ALPL: variants seen among roughly 807,000 people sequenced by gnomAD.
ALPL encodes alkaline phosphatase, biomineralization associated.
ALPL carries 42 observed loss-of-function variants against 51.3 expected under a neutral mutation model. The observed-to-expected ratio is 0.82, with a 90% confidence interval of 0.64 to 1.06. The LOEUF (loss-of-function observed/expected upper bound fraction) is 1.06, where lower values mean the gene tolerates loss of function less well. Among genes scored for constraint, ALPL ranks in the 50% least tolerant of loss-of-function variants. The probability of loss-of-function intolerance (pLI) is 0.00; values close to 1 mark genes in which losing one functional copy is unlikely to be tolerated. For synonymous variants in ALPL, 279 were observed against 296.4 expected, an observed-to-expected ratio of 0.94 and a Z score of 0.60; for missense variants, 589 against 709.4, an observed-to-expected ratio of 0.83 and a Z score of 1.93.
chr1:21,515,578 A>G (rs6685304), intron 1 of ALPL, among the ~76,000 whole-genome samples: 15 of 152,020 alleles, frequency 9.9e-5, no homozygotes, highest in Non-Finnish European at 5.9e-5. Flanking sequence ...TAGTAGAGAC[A>G]TGGTTTTGCC....
intron 1 of ALPL, among the ~76,000 whole-genome samples, chr1:21,546,776 C>T (rs1644258728): frequency 6.6e-6 from 1 of 152,238 alleles, no homozygotes; most frequent in Non-Finnish European, 1.5e-5. Context: ...CTCTGTTTCT[C>T]TGCAAATGGG....
rs552114197 is a variant in ALPL, at chr1:21,569,137, G to C, written c.792+890G>C. 2.0e-5 allele frequency among the ~76,000 whole-genome samples: 3 copies of C among 152,244 alleles called. No homozygotes were observed. In the East Asian group the frequency reaches 5.8e-4, roughly 30 times the overall value. On this transcript the variant is annotated intron_variant, in intron 7 of 11. Coordinates refer to ENST00000374840, the MANE Select transcript of ALPL (RefSeq NM_000478.6). ...AGGGAAGGGCCCCCGTGGGGATGGT[G>C]GGGGTGTGGAACTGAGTGGCTTTGA...
intron 8 of ALPL, among the ~76,000 whole-genome samples, chr1:21,570,885 G>A (rs925058744): frequency 2.0e-5 from 3 of 152,242 alleles, no homozygotes; most frequent in Non-Finnish European, 4.4e-5. Flanking sequence ...GCACCACCAT[G>A]CAGCTATCCG....
At chr1:21,574,248 G>A (rs754409126) in intron 9 of ALPL, 16 of 977,140 alleles carry the variant, frequency 1.6e-5, no homozygotes, top group South Asian at 9.5e-5. Context: ...ATCTGCTGGC[G>A]GTGTGACCTC....
Position 21,534,178 on chromosome 1 carries a change from G to A in ALPL, c.-104-19800G>A, listed in dbSNP as rs2148096389. ...TTTTGTAGAGACAGGATTTCGCCAT[G>A]TTCCCCAGGCTGGTCTTGAAATCCT... On this transcript the variant is annotated intron_variant, in intron 1 of 11. Coordinates refer to ENST00000374840, the MANE Select transcript of ALPL (RefSeq NM_000478.6). 2.6e-5 allele frequency among the ~76,000 whole-genome samples: 4 copies of A among 152,276 alleles called. No individual in the cohort carries two copies. In the South Asian group the frequency reaches 8.3e-4, roughly 32 times the overall value.
At chr1:21,539,948 G>A (rs4654963) in intron 1 of ALPL, among the ~76,000 whole-genome samples, 18,630 of 152,074 alleles carry the variant, frequency 0.12, 1,812 homozygotes, top group East Asian at 0.5. Flanking sequence ...GAGCCACCGC[G>A]CCCGGCCTGT....
chr1:21,567,996 G>C, intron 6 of ALPL, 108 bp from the exon 7 acceptor site: 3 of 1,497,542 alleles, frequency 2.0e-6, no homozygotes, highest in Non-Finnish European at 2.8e-6. Context: ...CTGGGAAAGT[G>C]TCCACACCAT....
chr1:21,510,442 G>A (rs1205894278), intron 1 of ALPL, among the ~76,000 whole-genome samples: 1 of 152,202 alleles, frequency 6.6e-6, no homozygotes, highest in Non-Finnish European at 1.5e-5. Context: ...AAGTCAGACC[G>A]CTCAGGTGGG....
intron 1 of ALPL, among the ~76,000 whole-genome samples, chr1:21,518,644 ACATTAATACC>A (rs1292538175): frequency 1.3e-5 from 2 of 152,126 alleles, no homozygotes; most frequent in Non-Finnish European, 2.9e-5. Flanking sequence ...TACCATTTAA[ACATTAATACC>A]CAAATACAGA....
chr1:21,569,564 G>C (rs988034366), intron 7 of ALPL, among the ~76,000 whole-genome samples: 24 of 144,904 alleles, frequency 1.7e-4, no homozygotes, highest in African/African-American at 6.2e-4. Flanking sequence ...CCAGGAAGCA[G>C]GGGCTGGGAG....
At chr1:21,518,118 C>T (rs1014645532) in intron 1 of ALPL, among the ~76,000 whole-genome samples, 3 of 151,910 alleles carry the variant, frequency 2.0e-5, no homozygotes, top group Non-Finnish European at 4.4e-5. Flanking sequence ...GGGGTAGGAA[C>T]CTTTTATGAG....
At chr1:21,553,533 C>G (rs1644359233) in intron 1 of ALPL, among the ~76,000 whole-genome samples, 1 of 152,154 alleles carries the variant, frequency 6.6e-6, no homozygotes, top group African/African-American at 2.4e-5. Flanking sequence ...GTGTGGTCCG[C>G]AAAGCAGCAA....
At chr1:21,534,699 T>G (rs1644074763) in intron 1 of ALPL, among the ~76,000 whole-genome samples, 1 of 152,102 alleles carries the variant, frequency 6.6e-6, no homozygotes, top group African/African-American at 2.4e-5. Context: ...TAGTACCCCT[T>G]GGTAGAGTTA....
At chr1:21,529,098 G>A (rs1465394739) in intron 1 of ALPL, among the ~76,000 whole-genome samples, 6 of 149,984 alleles carry the variant, frequency 4.0e-5, no homozygotes, top group Non-Finnish European at 7.4e-5. Context: ...ATATTATGGA[G>A]TCAGTATTCT....
rs1179262413 is a variant in ALPL at position 21,577,703 on chromosome 1, G to A, written c.*55G>A. 1.2e-5 allele frequency: 19 copies of A among 1,560,576 alleles called. No homozygotes were observed. Among genetic ancestry groups the A allele is most frequent in the Admixed American group, 3.6e-5 (2 of 55,294 alleles). On this transcript the variant is annotated 3_prime_UTR_variant, in exon 12 of 12. Transcript: ENST00000374840. ...GTGACAGATGCCAACTTCCCACACGGCAGCCCCCCCCTCAAGGGGCAGGGA... is the reference window on the plus strand; with the variant it reads ...GTGACAGATGCCAACTTCCCACACGACAGCCCCCCCCTCAAGGGGCAGGGA...
At chr1:21,516,347 G>A (rs377474150) in intron 1 of ALPL, among the ~76,000 whole-genome samples, 2 of 152,144 alleles carry the variant, frequency 1.3e-5, no homozygotes, top group East Asian at 3.8e-4. Flanking sequence ...CTCCTTCTGA[G>A]CCCTTCTATA....
intron 1 of ALPL, among the ~76,000 whole-genome samples, chr1:21,530,129 G>A (rs906169236): frequency 3.3e-5 from 5 of 152,140 alleles, no homozygotes; most frequent in African/African-American, 9.7e-5. Context: ...GTGGCGTGGG[G>A]TGGGATTCGG....
intron 1 of ALPL, among the ~76,000 whole-genome samples, chr1:21,538,190 T>C (rs1207952934): frequency 2.0e-5 from 3 of 152,200 alleles, no homozygotes; most frequent in African/African-American, 4.8e-5. Context: ...TGGTCCCCAT[T>C]TGACGGGTGA....
At chr1:21,521,756 G>A (rs1643885485) in intron 1 of ALPL, among the ~76,000 whole-genome samples, 1 of 152,180 alleles carries the variant, frequency 6.6e-6, no homozygotes, top group African/African-American at 2.4e-5. Context: ...GGTATGAGGT[G>A]CCCAGTGTCA....
Sources: gnomAD v4.1 joint callset for allele counts (sites outside exome capture counted in the v4.1 genomes callset) on GRCh38, gnomAD v4.1.1 for gene constraint, MANE v1.5 for transcripts, NCBI Gene and HGNC (gene_info 2026-07-23, HGNC 2026-07-21) for gene names.